The following SETX variants were observed in gnomAD, a reference collection of about 807,000 sequenced individuals.
The protein encoded by SETX is helicase senataxin.
SETX carries 90 observed loss-of-function variants against 227.2 expected under a neutral mutation model. The ratio of observed to expected loss-of-function variants is 0.40; its 90% CI spans 0.33 to 0.47. SETX has a LOEUF of 0.47. Ranked by LOEUF, SETX falls within the 20% of genes least tolerant of loss-of-function variation. The pLI is 0.91. For synonymous variants in SETX, 1,210 were observed against 1,113.2 expected (o/e 1.09, Z -1.73); for missense variants, 3,052 against 3,181.5 (o/e 0.96, Z 0.98).
rs761518345 is a variant in SETX, at chr9:132,264,211, G to A, written c.*28C>T. The A allele has an allele frequency of 2.8e-5, 45 of 1,613,164 alleles. No homozygotes were observed. The highest frequency in any genetic ancestry group is 3.7e-5 in the Non-Finnish European group (44 of 1,180,026). ...TCATCTTCAGTTTACAATATGCTGT[G>A]GCTGCTGGCCCATGTCACTGGGCTT... On this transcript the variant is annotated 3_prime_UTR_variant, in exon 26 of 26. Transcript: ENST00000224140.
chr9:132,313,986 C>T (rs1752097940), intron 10 of SETX, among the ~76,000 whole-genome samples: 2 of 151,802 alleles, frequency 1.3e-5, no homozygotes, highest in African/African-American at 4.8e-5. Flanking sequence ...GGCTGGAGTG[C>T]AATGGCACCA....
upstream of SETX, among the ~76,000 whole-genome samples, chr9:132,356,536 C>T (rs1848921589): frequency 6.6e-6 from 1 of 152,080 alleles, no homozygotes; most frequent in South Asian, 2.1e-4. Flanking sequence ...CTACTGACCA[C>T]GATGATGCAG....
At chr9:132,324,440 GTACAT>G (rs1393393778) in intron 10 of SETX, among the ~76,000 whole-genome samples, 2 of 152,198 alleles carry the variant, frequency 1.3e-5, no homozygotes, top group Non-Finnish European at 2.9e-5. Context: ...TTGTCCCTTT[GTACAT>G]TACACTTCCT....
At chr9:132,278,394 G>C in intron 20 of SETX, 137 bp from the exon 21 acceptor site, 1 of 486,336 alleles carries the variant, frequency 2.1e-6, no homozygotes, top group Non-Finnish European at 3.6e-6. Context: ...CAGCTTCAGA[G>C]AAAAAAGGTG....
At position 132,336,349 on chromosome 9, in the gene SETX, A is replaced by G. The variant is rs1331427625; in HGVS notation, c.665T>C (p.Ile222Thr). The G allele has an allele frequency of 6.2e-7, 1 of 1,614,086 alleles. No homozygotes were observed. The highest frequency in any genetic ancestry group is 2.2e-5 in the East Asian group (1 of 44,876). Reference protein sequence around the residue: ...TSSVLEKGKLILLPSHMYDTT... With the variant: ...TSSVLEKGKLTLLPSHMYDTT... ...ATCATACATGTGTGAGGGCAGAAGA[A>G]TCAGTTTACCCTTCTCTAGGACAGA... The change falls in exon 6 of 26, where the codon ATT becomes ACT. Residue 222 changes from isoleucine (I) to threonine (T), a missense_variant. This residue lies in a region of SETX where 239 missense variants were observed against 240.8 expected (regional missense o/e 0.99). Transcript: ENST00000224140.
At chr9:132,342,557 C>T in intron 5 of SETX, 133 bp downstream of exon 5, 1 of 792,460 alleles carries the variant, frequency 1.3e-6, no homozygotes, top group Non-Finnish European at 2.3e-6. Context: ...CTCTACTTAA[C>T]TGTAGTAAAT....
In SETX at chr9:132,320,720, A is replaced by C. The variant is rs1358203822; in HGVS notation, c.5274+5604T>G. The stretch of plus-strand genomic sequence containing the variant: ...TCGTATGGTTAAAAAGAAAGGTGTA[A>C]CTTCAAAGTAGATTGAACACACACC... On this transcript the variant is annotated intron_variant, in intron 10 of 25. Transcript: ENST00000224140. 2.0e-5 allele frequency among the ~76,000 whole-genome samples: 3 copies of C among 152,168 alleles called. No homozygotes were observed. In the East Asian group the frequency reaches 5.8e-4, roughly 29 times the overall value.
chr9:132,279,833 T>C (rs929069395), intron 20 of SETX, among the ~76,000 whole-genome samples: 4 of 152,182 alleles, frequency 2.6e-5, no homozygotes, highest in African/African-American at 7.2e-5. Context: ...ATATATATTC[T>C]GACATGGGAG....
chr9:132,324,828 TTTGAGGA>T (rs1329034459), intron 10 of SETX, among the ~76,000 whole-genome samples: 3 of 152,166 alleles, frequency 2.0e-5, no homozygotes, highest in Admixed American at 2.0e-4. Context: ...GAAAGTTTCT[TTTGAGGA>T]TTAACTAAAA....
intron 5 of SETX, among the ~76,000 whole-genome samples, chr9:132,339,085 A>AT (rs1473815783): frequency 3.3e-5 from 5 of 152,042 alleles, no homozygotes; most frequent in Non-Finnish European, 1.5e-5. Flanking sequence ...TTTAACTAGT[A>AT]TTTTCACTCT....
In SETX at chr9:132,346,343, A is replaced by G; in HGVS notation, c.306T>C (p.Thr102=). The G allele has an allele frequency of 6.2e-7, 1 of 1,614,090 alleles. No homozygotes were observed. Among genetic ancestry groups the G allele is most frequent in the East Asian group, 2.2e-5 (1 of 44,856 alleles). ...GAAGCTTATTTTCAAAGTCTTGCCC[A>G]GTGATGTCAAACAGTGGCATCTCTC... is the stretch of plus-strand genomic sequence containing the variant. ...NNGEMPLFDI[T]GQDFENKLRV... is the part of the protein sequence containing the mutation. The change falls in exon 4 of 26, where the codon ACT becomes ACC. Residue 102 remains threonine, a synonymous_variant. Transcript: ENST00000224140.
At chr9:132,333,154 G>T (rs1233946017) in intron 7 of SETX, among the ~76,000 whole-genome samples, 1 of 151,104 alleles carries the variant, frequency 6.6e-6, no homozygotes. Context: ...CAAGGCAGGC[G>T]GATCACATGA....
chr9:132,286,666 G>A (rs1241602211), intron 17 of SETX, among the ~76,000 whole-genome samples, 172 bp from the exon 18 acceptor site: 2 of 152,174 alleles, frequency 1.3e-5, no homozygotes, highest in East Asian at 1.9e-4. Flanking sequence ...ATGCTGCTGC[G>A]TAAGACTCAG....
chr9:132,342,552 C>A, intron 5 of SETX, 138 bp downstream of exon 5: 1 of 786,204 alleles, frequency 1.3e-6, no homozygotes, highest in Non-Finnish European at 2.3e-6. Flanking sequence ...GCGCCCTCTA[C>A]TTAACTGTAG....
chr9:132,311,638 G>C, intron 11 of SETX, 119 bp downstream of exon 11: 2 of 714,698 alleles, frequency 2.8e-6, no homozygotes, highest in Non-Finnish European at 4.9e-6. Context: ...ATTCTAAGAA[G>C]TCACAAATTT....
At chr9:132,301,706 A>C (rs1359733751) in intron 11 of SETX, among the ~76,000 whole-genome samples, 1 of 152,142 alleles carries the variant, frequency 6.6e-6, no homozygotes, top group East Asian at 1.9e-4. Context: ...ACTTCTCATG[A>C]TGTTGGCATG....
chr9:132,293,748 C>T (rs1198201433), intron 15 of SETX, among the ~76,000 whole-genome samples: 8 of 151,662 alleles, frequency 5.3e-5, no homozygotes, highest in Admixed American at 2.6e-4. Flanking sequence ...TAAGGCTGGA[C>T]GTGGTGGCTC....
chr9:132,348,012 T>C (rs568267668), intron 3 of SETX, among the ~76,000 whole-genome samples: 50 of 151,736 alleles, frequency 3.3e-4, no homozygotes, highest in African/African-American at 1.2e-3. Flanking sequence ...TAAAGGTTTA[T>C]GCCATTTGCC....
intron 7 of SETX, among the ~76,000 whole-genome samples, chr9:132,333,835 T>G (rs199669149): frequency 6.6e-6 from 1 of 152,128 alleles, no homozygotes; most frequent in Admixed American, 6.5e-5. Flanking sequence ...CAGGATAGAG[T>G]ACAGGCACGT....
Sources: allele counts gnomAD v4.1 joint callset (sites outside exome capture counted in the v4.1 genomes callset), GRCh38; gene constraint gnomAD v4.1.1; regional missense constraint gnomAD v4.1.1; transcripts MANE v1.5; gene names NCBI Gene and HGNC (gene_info 2026-07-23, HGNC 2026-07-21).